The following NPSR1 variants were observed in gnomAD, a reference collection of about 807,000 sequenced individuals.
NPSR1 encodes the protein neuropeptide S receptor 1, also known as neuropeptide S receptor.
A neutral mutation model predicts 46.9 loss-of-function variants in NPSR1; 48 were observed. The ratio of observed to expected loss-of-function variants is 1.02; its 90% CI spans 0.81 to 1.30. NPSR1 has a LOEUF of 1.30. NPSR1 is among the 50% of genes most tolerant of loss of function. The pLI is 0.00. For synonymous variants in NPSR1, 176 were observed against 168.1 expected (o/e 1.05, Z -0.36); for missense variants, 450 against 449.5 (o/e 1.00, Z -0.01).
In NPSR1 at chr7:34,791,142, TATA is replaced by T. The variant is rs1395809587; in HGVS notation, c.384+12581_384+12583del. On this transcript the variant is annotated intron_variant, in intron 3 of 8. Transcript: ENST00000360581. Reference sequence around the variant, plus strand: ...TATAATATATATGTTATATATTATATATAATATGTTATATATTATATATGTTAT... The same window carrying T: ...TATAATATATATGTTATATATTATATATATGTTATATATTATATATGTTAT... Among the ~76,000 whole-genome samples the T allele has an allele frequency of 2.9e-4, 36 of 124,948 alleles. 2 individuals are homozygous for T. In the East Asian group the frequency reaches 3.5e-3, roughly 12 times the overall value. 82.0% of individuals were successfully genotyped at this position (124,948 alleles called of 152,430 possible). A position where few individuals can be genotyped will look rare whatever the true frequency, so the allele number is the denominator to read the frequency against.
rs569191598 is a variant in NPSR1 at position 34,786,213 on chromosome 7, T to C, written c.384+7648T>C. Among the ~76,000 whole-genome samples, 12 of 152,262 alleles carry C rather than the reference T, an allele frequency of 7.9e-5. No individual in the cohort carries two copies. In the South Asian group the frequency reaches 1.2e-3, roughly 16 times the overall value. ...TTTATGTACTAGTTTAAATTATTTG[T>C]TATCATTTCAGCAATGTTCACAGCA... On this transcript the variant is annotated intron_variant, in intron 3 of 8. Transcript: ENST00000360581.
At chr7:34,677,623 G>A (rs997291399) in intron 1 of NPSR1, among the ~76,000 whole-genome samples, 1 of 152,192 alleles carries the variant, frequency 6.6e-6, no homozygotes, top group Non-Finnish European at 1.5e-5. Context: ...ATGCCCACAA[G>A]GTGTAGAGTA....
chr7:34,876,586 C>A (rs1400385301), intron 8 of NPSR1, among the ~76,000 whole-genome samples: 1 of 152,300 alleles, frequency 6.6e-6, no homozygotes, highest in South Asian at 2.1e-4. Context: ...GAGGTTGGTG[C>A]AAAAGCTGTT....
chr7:34,711,798 G>T (rs1783302311), intron 2 of NPSR1, among the ~76,000 whole-genome samples: 1 of 152,206 alleles, frequency 6.6e-6, no homozygotes, highest in African/African-American at 2.4e-5. Flanking sequence ...CTTCCTAGGG[G>T]AGTGTTCCTC....
At chr7:34,759,027 T>G (rs1023202890) in intron 2 of NPSR1, among the ~76,000 whole-genome samples, 2 of 152,242 alleles carry the variant, frequency 1.3e-5, no homozygotes, top group African/African-American at 4.8e-5. Context: ...GGTTATGTGC[T>G]TTTGAGAGTT....
chr7:34,835,840 G>T (rs932326495), intron 6 of NPSR1, among the ~76,000 whole-genome samples: 1 of 152,196 alleles, frequency 6.6e-6, no homozygotes, highest in Admixed American at 6.5e-5. Context: ...CAGTAGAATC[G>T]CCTGGGGAGG....
intron 3 of NPSR1, among the ~76,000 whole-genome samples, chr7:34,803,696 A>G (rs1788545201): frequency 6.6e-6 from 1 of 151,792 alleles, no homozygotes; most frequent in Non-Finnish European, 1.5e-5. Flanking sequence ...GTGTACATGT[A>G]CCCTAAAACT....
At chr7:34,860,743 C>A (rs10224398) in intron 8 of NPSR1, among the ~76,000 whole-genome samples, 3,446 of 151,866 alleles carry the variant, frequency 0.023, 225 homozygotes, top group African/African-American at 0.077. Flanking sequence ...GTACACATGA[C>A]AGAACAAAAA....
At chr7:34,782,433 T>C (rs1235243225) in intron 3 of NPSR1, among the ~76,000 whole-genome samples, 1 of 152,132 alleles carries the variant, frequency 6.6e-6, no homozygotes, top group African/African-American at 2.4e-5. Flanking sequence ...CTATCAATTC[T>C]TGCTGCTACT....
At position 34,686,182 on chromosome 7, in the gene NPSR1, T is replaced by C. The variant is rs181306139; in HGVS notation, c.280+1498T>C. 145 of 139,836 alleles carry C rather than the reference T, an allele frequency of 1.0e-3. No individual in the cohort carries two copies. The Middle Eastern group carries it at 0.01, about 10-fold the overall frequency. The allele number at this position is 139,836 out of a possible 1,614,324, so 8.7% of individuals were successfully genotyped here. ...ACTACATATTATCAAAGACAAAAGT[T>C]GTATGTTCTAATTCATCATCGTTGT... On this transcript the variant is annotated intron_variant, in intron 2 of 8. Transcript: ENST00000360581.
chr7:34,791,509 T>G (rs1230702555), intron 3 of NPSR1, among the ~76,000 whole-genome samples: 1 of 151,192 alleles, frequency 6.6e-6, no homozygotes, highest in Admixed American at 6.6e-5. Context: ...ATCAAGTAGG[T>G]GATAGACTTA....
chr7:34,785,298 G>A (rs937562197), intron 3 of NPSR1, among the ~76,000 whole-genome samples: 15 of 147,204 alleles, frequency 1.0e-4, no homozygotes, highest in East Asian at 2.0e-4. Context: ...GCCAAACATC[G>A]CATGTTATCA....
At chr7:34,870,391 T>C (rs1267407877) in intron 8 of NPSR1, among the ~76,000 whole-genome samples, 1 of 151,866 alleles carries the variant, frequency 6.6e-6, no homozygotes, top group Non-Finnish European at 1.5e-5. Context: ...TATCTTATTT[T>C]AACAGCTGTC....
At chr7:34,812,230 A>G (rs1324245277) in intron 4 of NPSR1, among the ~76,000 whole-genome samples, 3 of 152,126 alleles carry the variant, frequency 2.0e-5, no homozygotes, top group East Asian at 3.9e-4. Flanking sequence ...ACTCTCCCAC[A>G]CTAACTTCTC....
At chr7:34,666,943 T>A (rs1791782040) in intron 1 of NPSR1, among the ~76,000 whole-genome samples, 1 of 152,236 alleles carries the variant, frequency 6.6e-6, no homozygotes, top group South Asian at 2.1e-4. Context: ...GGCCTTACAT[T>A]TTTCAAATGA....
chr7:34,875,613 G>T (rs1312353515), intron 8 of NPSR1, among the ~76,000 whole-genome samples: 1 of 152,186 alleles, frequency 6.6e-6, no homozygotes, highest in East Asian at 1.9e-4. Context: ...TCGAGCCCCA[G>T]TGCCTCCTGG....
intron 2 of NPSR1, chr7:34,728,750 A>C (rs1402028137): frequency 6.5e-6 from 1 of 152,710 alleles, no homozygotes; most frequent in African/African-American, 2.4e-5. Context: ...TTTTCTTCTC[A>C]CAAGAAACTG....
chr7:34,820,630 G>A (rs1236631062), intron 4 of NPSR1, among the ~76,000 whole-genome samples: 1 of 152,162 alleles, frequency 6.6e-6, no homozygotes, highest in African/African-American at 2.4e-5. Flanking sequence ...TCAGGGTGCA[G>A]CTTGGTTTTA....
intron 2 of NPSR1, among the ~76,000 whole-genome samples, chr7:34,705,622 TCTCA>T (rs1159701225): frequency 6.9e-6 from 1 of 145,130 alleles, no homozygotes; most frequent in Non-Finnish European, 1.5e-5. Context: ...TCTCTCTCTC[TCTCA>T]TACACACACA....
Sources: allele counts gnomAD v4.1 joint callset (sites outside exome capture counted in the v4.1 genomes callset), GRCh38; gene constraint gnomAD v4.1.1; transcripts MANE v1.5; gene names NCBI Gene and HGNC (gene_info 2026-07-23, HGNC 2026-07-21).